PTPRT: variants seen among roughly 807,000 people sequenced by gnomAD.
PTPRT encodes the protein protein tyrosine phosphatase receptor type T, also known as receptor-type tyrosine-protein phosphatase T.
PTPRT carries 56 observed loss-of-function variants against 176.8 expected under a neutral mutation model. The observed-to-expected ratio is 0.32, with a 90% CI of 0.26 to 0.40. PTPRT has a LOEUF of 0.40. Among genes scored for constraint, PTPRT ranks in the 10% least tolerant of loss-of-function variants. The pLI is 1.00. For missense variants in PTPRT, 1,540 were observed against 1,908.2 expected (o/e 0.81, Z 3.60); for synonymous variants, 783 against 739.0 (o/e 1.06, Z -0.96).
chr20:42,852,246 T>C (rs1330601920), intron 2 of PTPRT, among the ~76,000 whole-genome samples: 1 of 152,190 alleles, frequency 6.6e-6, no homozygotes, highest in Non-Finnish European at 1.5e-5. Context: ...GACATATTTA[T>C]ATGAATACAC....
intron 1 of PTPRT, among the ~76,000 whole-genome samples, chr20:43,105,704 C>G (rs2425598): frequency 1.9e-4 from 29 of 152,068 alleles, no homozygotes; most frequent in African/African-American, 7.0e-4. Context: ...CCAGCCTTCT[C>G]TGCTCTTTCT....
At chr20:42,202,390 G>A (rs1433031267) in intron 15 of PTPRT, among the ~76,000 whole-genome samples, 1 of 152,196 alleles carries the variant, frequency 6.6e-6, no homozygotes, top group Non-Finnish European at 1.5e-5. Context: ...CACTCAGGAA[G>A]AGGAATGCAT....
chr20:42,588,377 A>G (rs6016836), intron 7 of PTPRT, among the ~76,000 whole-genome samples: 9,255 of 152,104 alleles, frequency 0.061, 605 homozygotes, highest in African/African-American at 0.16. Flanking sequence ...CTGGGAGGTG[A>G]AGGTTGCAGT....
intron 12 of PTPRT, among the ~76,000 whole-genome samples, chr20:42,308,480 A>G (rs1037977072): frequency 4.6e-5 from 7 of 152,240 alleles, no homozygotes; most frequent in African/African-American, 1.7e-4. Flanking sequence ...AGTTTACTGG[A>G]CAAATCGGTA....
intron 7 of PTPRT, among the ~76,000 whole-genome samples, chr20:42,639,761 A>G (rs1027674327): frequency 6.6e-6 from 1 of 152,148 alleles, no homozygotes; most frequent in African/African-American, 2.4e-5. Context: ...ATGCTCTTTT[A>G]GGTATTATAA....
At chr20:42,845,966 A>G (rs2078363474) in intron 2 of PTPRT, among the ~76,000 whole-genome samples, 1 of 152,126 alleles carries the variant, frequency 6.6e-6, no homozygotes, top group African/African-American at 2.4e-5. Flanking sequence ...GCATAGGTCT[A>G]TTAAAGACAG....
chr20:42,976,496 C>T (rs1397100458), intron 1 of PTPRT, among the ~76,000 whole-genome samples: 1 of 152,076 alleles, frequency 6.6e-6, no homozygotes, highest in Admixed American at 6.5e-5. Context: ...ACCTCCGCCT[C>T]CTGGGTTCAA....
At chr20:42,205,754 A>G (rs1017449459) in intron 15 of PTPRT, among the ~76,000 whole-genome samples, 2 of 152,046 alleles carry the variant, frequency 1.3e-5, no homozygotes, top group African/African-American at 4.8e-5. Context: ...CAATCTCCAG[A>G]TAAACTTTCC....
chr20:42,250,984 A>G (rs2056542190), intron 13 of PTPRT, among the ~76,000 whole-genome samples: 1 of 152,156 alleles, frequency 6.6e-6, no homozygotes, highest in African/African-American at 2.4e-5. Flanking sequence ...CTGGTCTGAC[A>G]TTTAGGGATG....
chr20:42,341,785 A>G (rs553300966), intron 11 of PTPRT, among the ~76,000 whole-genome samples: 1 of 152,300 alleles, frequency 6.6e-6, no homozygotes, highest in Non-Finnish European at 1.5e-5. Flanking sequence ...CCCTCATGCC[A>G]GTAACAGTCC....
At chr20:42,471,888 A>G (rs11086841) in intron 8 of PTPRT, among the ~76,000 whole-genome samples, 193 of 152,228 alleles carry the variant, frequency 1.3e-3, no homozygotes, top group African/African-American at 4.3e-3. Context: ...AACTCCTGAG[A>G]TAGGCAATCC....
At chr20:42,366,189 TCCA>T (rs2058511526) in intron 9 of PTPRT, among the ~76,000 whole-genome samples, 1 of 152,152 alleles carries the variant, frequency 6.6e-6, no homozygotes, top group South Asian at 2.1e-4. Context: ...ATGCTGAAGG[TCCA>T]GAGGCCACCC....
chr20:42,184,535 C>CTCTTATTCTTCTTCT (rs1990657889), intron 16 of PTPRT, among the ~76,000 whole-genome samples: 2 of 36,616 alleles, frequency 5.5e-5, no homozygotes, highest in Admixed American at 2.9e-4. Flanking sequence ...CTTCTTCTTC[C>CTCTTATTCTTCTTCT]TCTTCCTCTT....
intron 8 of PTPRT, among the ~76,000 whole-genome samples, chr20:42,457,942 G>A (rs1309420934): frequency 6.6e-6 from 1 of 152,112 alleles, no homozygotes; most frequent in Admixed American, 6.6e-5. Context: ...AAGATGACCA[G>A]GGCACTGACC....
chr20:42,654,467 G>C (rs563008306), intron 7 of PTPRT, among the ~76,000 whole-genome samples: 1 of 152,254 alleles, frequency 6.6e-6, no homozygotes, highest in South Asian at 2.1e-4. Flanking sequence ...CAGACATCCA[G>C]GGCCACTCTA....
At chr20:42,645,842 C>T (rs1600539953) in intron 7 of PTPRT, among the ~76,000 whole-genome samples, 5 of 150,506 alleles carry the variant, frequency 3.3e-5, no homozygotes, top group Admixed American at 3.3e-4. Context: ...GAATAAATAT[C>T]TTGGTCATTG....
chr20:43,064,940 C>G (rs1987625610), intron 1 of PTPRT, among the ~76,000 whole-genome samples: 1 of 152,230 alleles, frequency 6.6e-6, no homozygotes, highest in African/African-American at 2.4e-5. Context: ...ACCCTGACCC[C>G]TCCTGTCTTT....
chr20:42,597,101 G>A (rs1239564413), intron 7 of PTPRT, among the ~76,000 whole-genome samples: 1 of 152,136 alleles, frequency 6.6e-6, no homozygotes, highest in African/African-American at 2.4e-5. Context: ...TCTCATCTTA[G>A]GCTGAGTCTT....
intron 3 of PTPRT, among the ~76,000 whole-genome samples, chr20:42,781,261 T>G (rs13042473): frequency 0.18 from 27,065 of 152,116 alleles, 2,812 homozygotes; most frequent in East Asian, 0.49. Flanking sequence ...CACCTTTATT[T>G]CAACTTTGCC....
Sources: allele counts gnomAD v4.1 joint callset (sites outside exome capture counted in the v4.1 genomes callset), GRCh38; gene constraint gnomAD v4.1.1; transcripts MANE v1.5; gene names NCBI Gene and HGNC (gene_info 2026-07-23, HGNC 2026-07-21).